CACNG3: variants seen among roughly 807,000 people sequenced by gnomAD.
CACNG3 encodes the protein calcium voltage-gated channel auxiliary subunit gamma 3.
In CACNG3, 3 loss-of-function variants were observed where a neutral mutation model predicts 28.5. The ratio of observed to expected loss-of-function variants is 0.11; its 90% CI spans 0.05 to 0.27. The LOEUF (loss-of-function observed/expected upper bound fraction) is 0.27. CACNG3 is among the 10% of genes least tolerant of loss of function. The pLI is 1.00. For missense variants in CACNG3, 236 were observed against 414.4 expected, an observed-to-expected ratio of 0.57 and a Z score of 3.74; for synonymous variants, 174 against 162.2, an observed-to-expected ratio of 1.07 and a Z score of -0.55.
intron 1 of CACNG3, among the ~76,000 whole-genome samples, chr16:24,295,383 G>A (rs1413271109): frequency 2.0e-5 from 3 of 152,122 alleles, no homozygotes; most frequent in African/African-American, 2.4e-5. Flanking sequence ...TGCTGATGGC[G>A]GCTAGATGTC....
At chr16:24,339,070 G>A (rs1899747339) in intron 1 of CACNG3, among the ~76,000 whole-genome samples, 1 of 152,008 alleles carries the variant, frequency 6.6e-6, no homozygotes, top group South Asian at 2.1e-4. Context: ...TGAGTTATCA[G>A]GTGAGAGAAT....
intron 1 of CACNG3, among the ~76,000 whole-genome samples, chr16:24,260,718 A>AC (rs1468577510): frequency 2.0e-5 from 3 of 152,200 alleles, no homozygotes; most frequent in African/African-American, 7.2e-5. Flanking sequence ...TGCAGGAGAC[A>AC]CCAGACACAC....
chr16:24,309,725 G>C (rs1286489091), intron 1 of CACNG3, among the ~76,000 whole-genome samples: 2 of 152,182 alleles, frequency 1.3e-5, no homozygotes, highest in Non-Finnish European at 2.9e-5. Context: ...TGGGACGGCA[G>C]AGAGGGCCTC....
chr16:24,347,542 AGTGCTAATGGGTGATGTGAG>A (rs1156782902), intron 2 of CACNG3, among the ~76,000 whole-genome samples: 1 of 152,156 alleles, frequency 6.6e-6, no homozygotes, highest in Non-Finnish European at 1.5e-5. Context: ...CTAATGGCAG[AGTGCTAATGGGTGATGTGAG>A]GTGCTAATGG....
chr16:24,348,017 A>G (rs905277020), intron 2 of CACNG3, among the ~76,000 whole-genome samples: 1 of 152,190 alleles, frequency 6.6e-6, no homozygotes, highest in East Asian at 1.9e-4. Flanking sequence ...CACTGCAGAG[A>G]TGAGCCTTCC....
chr16:24,308,571 C>T (rs915214032), intron 1 of CACNG3, among the ~76,000 whole-genome samples: 8 of 152,002 alleles, frequency 5.3e-5, no homozygotes, highest in African/African-American at 1.9e-4. Context: ...TTAATATTAT[C>T]AGGCCAGGCG....
At chr16:24,339,577 G>T (rs1172012689) in intron 1 of CACNG3, among the ~76,000 whole-genome samples, 1 of 152,022 alleles carries the variant, frequency 6.6e-6, no homozygotes, top group Non-Finnish European at 1.5e-5. Context: ...GTAAAGACGG[G>T]GTTTCACCAT....
chr16:24,349,465 T>C (rs1396145528), intron 2 of CACNG3, among the ~76,000 whole-genome samples: 1 of 152,190 alleles, frequency 6.6e-6, no homozygotes, highest in Non-Finnish European at 1.5e-5. Flanking sequence ...AGTTACTTCT[T>C]GATTAATGGT....
At chr16:24,266,922 C>G (rs2141345574) in intron 1 of CACNG3, among the ~76,000 whole-genome samples, 1 of 151,988 alleles carries the variant, frequency 6.6e-6, no homozygotes, top group Non-Finnish European at 1.5e-5. Context: ...CGTGAGAACC[C>G]CAGAAACAGG....
intron 1 of CACNG3, among the ~76,000 whole-genome samples, chr16:24,277,792 A>AG (rs1428809645): frequency 4.6e-5 from 7 of 151,710 alleles, no homozygotes; most frequent in Non-Finnish European, 1.0e-4. Flanking sequence ...AAAAAAAAAA[A>AG]AAAAAGTAAA....
chr16:24,323,482 T>C (rs1022040236), intron 1 of CACNG3, among the ~76,000 whole-genome samples: 3 of 152,168 alleles, frequency 2.0e-5, no homozygotes, highest in Non-Finnish European at 2.9e-5. Context: ...ATTACACCTA[T>C]TTTAAACAAA....
intron 1 of CACNG3, among the ~76,000 whole-genome samples, chr16:24,335,172 C>A (rs139912884): frequency 1.3e-5 from 2 of 152,128 alleles, no homozygotes; most frequent in Non-Finnish European, 1.5e-5. Context: ...GTAATCCCAG[C>A]GCTTTGGGAG....
chr16:24,279,929 C>T (rs976934143), intron 1 of CACNG3, among the ~76,000 whole-genome samples: 4 of 152,104 alleles, frequency 2.6e-5, no homozygotes, highest in East Asian at 1.9e-4. Flanking sequence ...TTAAAAGGGC[C>T]GCTGAATGCA....
rs71154295 is a variant in CACNG3, at chr16:24,280,821, C to CAAAAAAAAAAAAA, written c.211+23868_211+23880dup. Among the ~76,000 whole-genome samples, 9 of 55,646 alleles carry CAAAAAAAAAAAAA rather than the reference C, an allele frequency of 1.6e-4. 1 individual carries two copies. The highest frequency in any genetic ancestry group is 5.0e-4 in the Admixed American group (2 of 4,022). The allele number at this position is 55,646 out of a possible 152,430, so 36.5% of individuals were successfully genotyped here. On this transcript the variant is annotated intron_variant, in intron 1 of 3. Coordinates refer to ENST00000005284, the MANE Select transcript of CACNG3 (RefSeq NM_006539.4). ...TGGGTGACAGAGCAAGAGTTTGTCT[C>CAAAAAAAAAAAAA]AAAAAAAAAAAAAAAAAAAAAAAAG...
chr16:24,353,283 C>T (rs933892960), intron 2 of CACNG3, among the ~76,000 whole-genome samples: 3 of 152,218 alleles, frequency 2.0e-5, no homozygotes, highest in Non-Finnish European at 4.4e-5. Flanking sequence ...CTAGGCCTCA[C>T]ATTTTTGTGT....
chr16:24,306,942 A>T (rs1255092716), intron 1 of CACNG3, among the ~76,000 whole-genome samples: 1 of 152,104 alleles, frequency 6.6e-6, no homozygotes, highest in Non-Finnish European at 1.5e-5. Flanking sequence ...CACAGTTCTT[A>T]TCCGACACAA....
chr16:24,286,493 G>A (rs886414275), intron 1 of CACNG3, among the ~76,000 whole-genome samples: 14 of 151,680 alleles, frequency 9.2e-5, no homozygotes, highest in Non-Finnish European at 1.5e-4. Context: ...AGATCCCCTA[G>A]AATGGATTGG....
In CACNG3 at chr16:24,256,455, C is replaced by T. The variant is rs769681211; in HGVS notation, c.-300C>T. On this transcript the variant is annotated 5_prime_UTR_variant, in exon 1 of 4. Transcript: ENST00000005284. This position sits in a 1 kb window ranked among gnomAD's most constrained non-coding sequence, Gnocchi z 4.6. ...CTCCGGAGCCATGCCCTGCACGGAC[C>T]CTCGTCTTTACCACGCTCCTGAGGA... 4.9e-4 allele frequency: 188 copies of T among 382,564 alleles called. No homozygotes were observed. Among genetic ancestry groups the T allele is most frequent in the Non-Finnish European group, 4.9e-4 (101 of 206,210 alleles). 23.7% of individuals were successfully genotyped at this position (382,564 alleles called of 1,614,324 possible).
chr16:24,266,294 T>G (rs1203048428), intron 1 of CACNG3, among the ~76,000 whole-genome samples: 2 of 152,160 alleles, frequency 1.3e-5, no homozygotes, highest in African/African-American at 2.4e-5. Context: ...GCAGCTGGTG[T>G]TGGGAGTTTA....
Sources: allele counts gnomAD v4.1 joint callset (sites outside exome capture counted in the v4.1 genomes callset), GRCh38; gene constraint gnomAD v4.1.1; non-coding constraint Gnocchi (gnomAD v3.1); transcripts MANE v1.5; gene names NCBI Gene and HGNC (gene_info 2026-07-23, HGNC 2026-07-21).